The following SPOCK1 variants were observed in gnomAD, a reference collection of about 807,000 sequenced individuals.
SPOCK1 encodes testican-1.
SPOCK1 carries 23 observed loss-of-function variants against 55.3 expected under a neutral mutation model. The ratio of observed to expected loss-of-function variants is 0.42; its 90% CI spans 0.30 to 0.59. The LOEUF (loss-of-function observed/expected upper bound fraction) is 0.59, where lower values mean the gene tolerates loss of function less well. Ranked by LOEUF, SPOCK1 falls within the 20% of genes least tolerant of loss-of-function variation. The pLI is 0.22. For synonymous variants in SPOCK1, 226 were observed against 221.0 expected, an observed-to-expected ratio of 1.02 and a Z score of -0.20; for missense variants, 499 against 552.5, an observed-to-expected ratio of 0.90 and a Z score of 0.97.
At chr5:137,438,196 G>A (rs562246401) in intron 2 of SPOCK1, among the ~76,000 whole-genome samples, 3 of 152,194 alleles carry the variant, frequency 2.0e-5, no homozygotes, top group Non-Finnish European at 4.4e-5. Context: ...CAGGGAGGGA[G>A]ACCAGAAACT....
intron 3 of SPOCK1, among the ~76,000 whole-genome samples, chr5:137,145,111 G>A (rs1340304069): frequency 6.6e-6 from 1 of 152,116 alleles, no homozygotes. Flanking sequence ...GAGTCAACTG[G>A]CACCCAGCAC....
At chr5:137,098,976 A>G (rs1753208850) in intron 5 of SPOCK1, among the ~76,000 whole-genome samples, 1 of 59,080 alleles carries the variant, frequency 1.7e-5, no homozygotes, top group African/African-American at 5.4e-5. Flanking sequence ...GGCAACACCA[A>G]CAAATGAGAG....
At chr5:137,305,503 G>A (rs994792939) in intron 2 of SPOCK1, among the ~76,000 whole-genome samples, 2 of 152,208 alleles carry the variant, frequency 1.3e-5, no homozygotes, top group Non-Finnish European at 2.9e-5. Flanking sequence ...AGATAGGGCT[G>A]GAGAAACTCA....
At chr5:137,408,672 A>G (rs1752149393) in intron 2 of SPOCK1, among the ~76,000 whole-genome samples, 1 of 152,194 alleles carries the variant, frequency 6.6e-6, no homozygotes, top group Non-Finnish European at 1.5e-5. Context: ...TATTTTTTTT[A>G]ACTGCATAAC....
At chr5:137,351,684 G>A (rs934904399) in intron 2 of SPOCK1, among the ~76,000 whole-genome samples, 2 of 152,134 alleles carry the variant, frequency 1.3e-5, no homozygotes, top group Admixed American at 1.3e-4. Flanking sequence ...CACATCCAAG[G>A]GCAGTACATT....
chr5:137,261,487 T>C (rs1302035531), intron 3 of SPOCK1, among the ~76,000 whole-genome samples: 1 of 152,324 alleles, frequency 6.6e-6, no homozygotes, highest in East Asian at 1.9e-4. Flanking sequence ...AGGATCTTGG[T>C]ATAATAGACT....
intron 2 of SPOCK1, among the ~76,000 whole-genome samples, chr5:137,267,390 C>A (rs1353323926): frequency 6.6e-6 from 1 of 152,180 alleles, no homozygotes; most frequent in African/African-American, 2.4e-5. Flanking sequence ...TAGGTGATGC[C>A]TTGCTGCTCT....
At chr5:137,321,695 G>A (rs947844981) in intron 2 of SPOCK1, among the ~76,000 whole-genome samples, 1 of 152,084 alleles carries the variant, frequency 6.6e-6, no homozygotes, top group Admixed American at 6.5e-5. Context: ...CCAAGATGGT[G>A]AAATCCTATC....
chr5:137,406,402 C>T lies in SPOCK1; in HGVS notation c.186+91971G>A, dbSNP rs146708554. The stretch of plus-strand genomic sequence containing the variant: ...TGCATGCCCACGACATTGAAGGCAA[C>T]CAATGGGCCTGGGGGTCTGGGCAGA... On this transcript the variant is annotated intron_variant, in intron 2 of 10. Coordinates refer to ENST00000394945, the MANE Select transcript of SPOCK1 (RefSeq NM_004598.4). 1.4e-3 allele frequency among the ~76,000 whole-genome samples: 210 copies of T among 152,302 alleles called. 1 individual carries two copies. The highest frequency in any genetic ancestry group is 4.8e-3 in the African/African-American group (199 of 41,572).
At chr5:137,436,212 T>G (rs536127154) in intron 2 of SPOCK1, among the ~76,000 whole-genome samples, 26 of 152,170 alleles carry the variant, frequency 1.7e-4, no homozygotes, top group East Asian at 1.3e-3. Flanking sequence ...TTTCCTCCAG[T>G]GATATTTTGT....
chr5:137,261,098 T>A (rs568621907), intron 3 of SPOCK1, among the ~76,000 whole-genome samples: 1 of 152,178 alleles, frequency 6.6e-6, no homozygotes, highest in East Asian at 1.9e-4. Context: ...AGGGATCAGA[T>A]AAGGTGAACA....
At chr5:137,409,812 C>T (rs1463353514) in intron 2 of SPOCK1, among the ~76,000 whole-genome samples, 1 of 152,210 alleles carries the variant, frequency 6.6e-6, no homozygotes, top group Non-Finnish European at 1.5e-5. Flanking sequence ...CATCATTTGA[C>T]AGCTATTATA....
At chr5:137,249,637 T>C (rs1756468593) in intron 3 of SPOCK1, among the ~76,000 whole-genome samples, 1 of 152,246 alleles carries the variant, frequency 6.6e-6, no homozygotes, top group Non-Finnish European at 1.5e-5. Context: ...TTGCCTTTTA[T>C]GTACTTTTGA....
intron 1 of SPOCK1, among the ~76,000 whole-genome samples, 177 bp downstream of exon 1, chr5:137,499,002 A>T (rs1754380114): frequency 6.6e-6 from 1 of 151,000 alleles, no homozygotes. Flanking sequence ...GGCTGCCAGC[A>T]GCTGGGGGTC....
intron 2 of SPOCK1, among the ~76,000 whole-genome samples, chr5:137,343,162 G>A (rs1750475408): frequency 6.6e-6 from 1 of 152,224 alleles, no homozygotes; most frequent in African/African-American, 2.4e-5. Context: ...AGGGGCCTCA[G>A]TCACAAAGGG....
intron 3 of SPOCK1, among the ~76,000 whole-genome samples, chr5:137,223,190 T>C (rs1461447584): frequency 4.6e-5 from 7 of 151,886 alleles, no homozygotes; most frequent in Non-Finnish European, 8.8e-5. Flanking sequence ...ACCATTTCCA[T>C]CAATTAATTT....
At chr5:137,165,387 C>T (rs1434904836) in intron 3 of SPOCK1, among the ~76,000 whole-genome samples, 1 of 152,190 alleles carries the variant, frequency 6.6e-6, no homozygotes, top group Non-Finnish European at 1.5e-5. Flanking sequence ...AAAGGATATA[C>T]AGTTTATCAC....
At chr5:137,470,915 T>C (rs965279228) in intron 2 of SPOCK1, among the ~76,000 whole-genome samples, 2 of 152,174 alleles carry the variant, frequency 1.3e-5, no homozygotes, top group Non-Finnish European at 2.9e-5. Context: ...CATCCAACCT[T>C]GGGCAACATG....
intron 5 of SPOCK1, among the ~76,000 whole-genome samples, chr5:137,094,637 G>A (rs909289839): frequency 3.3e-5 from 5 of 152,136 alleles, no homozygotes; most frequent in Admixed American, 6.5e-5. Flanking sequence ...GCTGGTGGAG[G>A]GTCTTGCCCT....
Sources: allele counts gnomAD v4.1 joint callset (sites outside exome capture counted in the v4.1 genomes callset), GRCh38; gene constraint gnomAD v4.1.1; transcripts MANE v1.5; gene names NCBI Gene and HGNC (gene_info 2026-07-23, HGNC 2026-07-21).